KIF21B: variants seen among roughly 807,000 people sequenced by gnomAD.
The protein encoded by KIF21B is kinesin family member 21B.
Under a neutral mutation model 192.9 loss-of-function variants are expected in KIF21B, and 85 were observed. The ratio of observed to expected loss-of-function variants is 0.44; its 90% CI spans 0.37 to 0.53. KIF21B has a LOEUF of 0.53. Ranked by LOEUF, KIF21B falls within the 20% of genes least tolerant of loss-of-function variation. The probability of loss-of-function intolerance (pLI) is 0.00; values close to 1 mark genes in which losing one functional copy is unlikely to be tolerated. For synonymous variants in KIF21B, 832 were observed against 884.6 expected (o/e 0.94, Z 1.05); for missense variants, 1,716 against 2,194.8 (o/e 0.78, Z 4.36).
intron 22 of KIF21B, 85 bp from the exon 23 acceptor site, chr1:200,988,629 T>C: frequency 6.9e-7 from 1 of 1,457,090 alleles, no homozygotes; most frequent in Non-Finnish European, 9.3e-7. Context: ...CTCCTATATC[T>C]CACCCACTGG....
intron 15 of KIF21B, among the ~76,000 whole-genome samples, chr1:200,995,501 G>T (rs773367981): frequency 6.6e-6 from 1 of 152,244 alleles, no homozygotes. Context: ...GAGCCCTGAA[G>T]TCAGAAGCAC....
In KIF21B at chr1:200,998,464, T is replaced by C; in HGVS notation, c.1997A>G (p.Gln666Arg). 1 of 1,614,112 alleles carries C rather than the reference T, an allele frequency of 6.2e-7. No homozygotes were observed. The highest frequency in any genetic ancestry group is 8.5e-7 in the Non-Finnish European group (1 of 1,180,034). The change falls in exon 14 of 35, where the codon CAG becomes CGG. Residue 666 changes from glutamine (Q) to arginine (R), a missense_variant. By Grantham distance (43) the Gln-to-Arg change is conservative (BLOSUM62 1). Coordinates refer to ENST00000461742, the MANE Select transcript of KIF21B (RefSeq NM_001252102.2). The surrounding 1 kb of genome is among the most constrained non-coding windows in gnomAD (Gnocchi z 4.3). The part of the protein sequence containing the change: ...SQRRLQTLKH[Q>R]YEEKLILLQN... ...CAGCAGAATCAGCTTTTCCTCATAC[T>C]GGTGCTTGAGCGTCTGCAACCGCCG...
In KIF21B at chr1:201,000,272, G is replaced by A; in HGVS notation, c.1685+118C>T. 1.9e-6 allele frequency: 2 copies of A among 1,067,070 alleles called. No individual in the cohort carries two copies. The highest frequency in any genetic ancestry group is 2.7e-6 in the Non-Finnish European group (2 of 739,228). 66.1% of individuals were successfully genotyped at this position (1,067,070 alleles called of 1,614,324 possible). ...AAGCAATACTGAGGCAGCCCCTGGG[G>A]CTGGGGGCGTGGAGGTTCCCTCCTA... On this transcript the variant is annotated intron_variant, in intron 11 of 34. Coordinates refer to ENST00000461742, the MANE Select transcript of KIF21B (RefSeq NM_001252102.2). This position sits in a 1 kb window ranked among gnomAD's most constrained non-coding sequence, Gnocchi z 6.0.
intron 24 of KIF21B, 84 bp downstream of exon 24, chr1:200,988,212 G>A (rs1458981570): frequency 1.5e-6 from 2 of 1,300,996 alleles, no homozygotes; most frequent in Admixed American, 1.7e-5. Flanking sequence ...GGCTGAGGGT[G>A]GAGCAGAGCC....
At chr1:200,989,071 G>C in intron 21 of KIF21B, 140 bp from the exon 22 acceptor site, 3 of 839,328 alleles carry the variant, frequency 3.6e-6, no homozygotes, top group Non-Finnish European at 3.6e-6. Flanking sequence ...GCACAGACCT[G>C]AGAGCACCGC....
intron 1 of KIF21B, among the ~76,000 whole-genome samples, chr1:201,012,639 G>A (rs1257644501): frequency 2.0e-5 from 3 of 150,636 alleles, no homozygotes; most frequent in African/African-American, 7.5e-5. Flanking sequence ...CTCTATGTAT[G>A]TATGTATGTA....
Position 200,980,156 on chromosome 1 carries a change from C to T in KIF21B, c.3980-441G>A, listed in dbSNP as rs76311898. Among the ~76,000 whole-genome samples, 960 of 152,292 alleles carry T rather than the reference C, an allele frequency of 6.3e-3. 11 individuals are homozygous for T. The highest frequency in any genetic ancestry group is 0.012 in the African/African-American group (499 of 41,544). ...AGATTGACAGCTATCCCCCTACTGC[C>T]GTGGAGAGCTATATTTATGCTTGTG... On this transcript the variant is annotated intron_variant, in intron 29 of 34. Transcript: ENST00000461742.
intron 5 of KIF21B, 88 bp from the exon 6 acceptor site, chr1:201,005,021 G>C: frequency 7.0e-7 from 1 of 1,437,340 alleles, no homozygotes; most frequent in South Asian, 1.3e-5. Flanking sequence ...GGAGAGGCAC[G>C]GTGGACGGCC....
chr1:200,974,702 A>T lies in KIF21B; in HGVS notation c.4814+12T>A. ...GAGGGAGCAGAGGCAGACCTCTCTG[A>T]CCAGCACCCACCTGGAGGCTGTGAA... On this transcript the variant is annotated intron_variant, in intron 34 of 34. Transcript: ENST00000461742. 6.2e-7 allele frequency: 1 copy of T among 1,613,972 alleles called. No individual in the cohort carries two copies. Among genetic ancestry groups the T allele is most frequent in the South Asian group, 1.1e-5 (1 of 91,080 alleles).
intron 2 of KIF21B, 113 bp from the exon 3 acceptor site, chr1:201,009,064 C>A: frequency 7.5e-7 from 1 of 1,331,366 alleles, no homozygotes; most frequent in Non-Finnish European, 1.0e-6. Context: ...GGTTCCCCTG[C>A]TGCTTTCTTG....
chr1:201,012,539 C>A (rs1658297244), intron 1 of KIF21B, among the ~76,000 whole-genome samples: 1 of 152,218 alleles, frequency 6.6e-6, no homozygotes, highest in African/African-American at 2.4e-5. Flanking sequence ...TTAAGCCACA[C>A]ACACAGTAAA....
Position 201,000,684 on chromosome 1 carries a change from C to T in KIF21B, c.1466+33G>A. 4 of 1,613,930 alleles carry T rather than the reference C, an allele frequency of 2.5e-6. No homozygotes were observed. Among genetic ancestry groups the T allele is most frequent in the Non-Finnish European group, 3.4e-6 (4 of 1,179,890 alleles). On this transcript the variant is annotated intron_variant, in intron 10 of 34. Transcript: ENST00000461742. This position sits in a 1 kb window ranked among gnomAD's most constrained non-coding sequence, Gnocchi z 6.0. ...GGCGTCACCTGGCCGAGGCCCCCAG[C>T]CCGCGCACACCTGCCGGAGCTCACT... is the stretch of plus-strand genomic sequence containing the variant.
chr1:201,003,281 C>T, intron 8 of KIF21B: 1 of 447,326 alleles, frequency 2.2e-6, no homozygotes, highest in South Asian at 2.1e-5. Context: ...ATGAAAACAC[C>T]CTGGAGAGTG....
intron 30 of KIF21B, among the ~76,000 whole-genome samples, chr1:200,978,318 C>T (rs1273502575): frequency 3.4e-5 from 5 of 148,952 alleles, no homozygotes; most frequent in Non-Finnish European, 7.4e-5. Context: ...CAAAGTGCTG[C>T]GATTACAGGT....
At position 201,000,612 on chromosome 1, in the gene KIF21B, C is replaced by A. The variant is rs755882811; in HGVS notation, c.1467-4G>T. The A allele has an allele frequency of 1.2e-6, 2 of 1,613,444 alleles. No homozygotes were observed. Among genetic ancestry groups the A allele is most frequent in the South Asian group, 2.2e-5 (2 of 91,088 alleles). Reference sequence around the variant, plus strand: ...TTCACTCTCTAGAAGCTTAGTCCTGCACAGGAAGAACGAGTGGACGGGGCC... The same window carrying A: ...TTCACTCTCTAGAAGCTTAGTCCTGAACAGGAAGAACGAGTGGACGGGGCC... On this transcript the variant is annotated splice_polypyrimidine_tract_variant and splice_region_variant and intron_variant, in intron 10 of 34. Transcript: ENST00000461742. This position sits in a 1 kb window ranked among gnomAD's most constrained non-coding sequence, Gnocchi z 6.0.
At position 201,000,848 on chromosome 1, in the gene KIF21B, C is replaced by A; in HGVS notation, c.1403-68G>T. 1 of 1,554,984 alleles carries A rather than the reference C, an allele frequency of 6.4e-7. No homozygotes were observed. The highest frequency in any genetic ancestry group is 1.1e-5 in the South Asian group (1 of 89,808). On this transcript the variant is annotated intron_variant, in intron 9 of 34. Coordinates refer to ENST00000461742, the MANE Select transcript of KIF21B (RefSeq NM_001252102.2). This position sits in a 1 kb window ranked among gnomAD's most constrained non-coding sequence, Gnocchi z 6.0. ...AATAGGCCAGCGCGGTGGCTCAGAC[C>A]TATAATTCCAGCACTTTGGGAGGCC...
Position 201,000,033 on chromosome 1 carries a change from C to T in KIF21B, c.1686-69G>A, listed in dbSNP as rs1571947267. 19 of 1,383,522 alleles carry T rather than the reference C, an allele frequency of 1.4e-5. No homozygotes were observed. The highest frequency in any genetic ancestry group is 4.6e-5 in the South Asian group (4 of 86,534). The allele number at this position is 1,383,522 out of a possible 1,614,324, so 85.7% of individuals were successfully genotyped here. A position where few individuals can be genotyped will look rare whatever the true frequency, so the allele number is the denominator to read the frequency against. On this transcript the variant is annotated intron_variant, in intron 11 of 34. Coordinates refer to ENST00000461742, the MANE Select transcript of KIF21B (RefSeq NM_001252102.2). The surrounding 1 kb of genome is among the most constrained non-coding windows in gnomAD (Gnocchi z 6.0). ...TGCCCTGAGCACATGGGCAGGACGG[C>T]GGCAGCGGCAGAAAAGGAAGGCTCT...
Position 200,984,866 on chromosome 1 carries a change from G to A in KIF21B, c.3796C>T (p.Leu1266=). 6.3e-7 allele frequency: 1 copy of A among 1,592,170 alleles called. No individual in the cohort carries two copies. The highest frequency in any genetic ancestry group is 8.5e-7 in the Non-Finnish European group (1 of 1,171,198). Reference sequence around the variant, plus strand: ...CCCTCCAGCCCTGCTTACTTGTCCAGCGCTGACCCCTGGCTCTGATTACTG... The same window carrying A: ...CCCTCCAGCCCTGCTTACTTGTCCAACGCTGACCCCTGGCTCTGATTACTG... ...LTSNQSQGSA[L]DKSDDSDSSL... Residue 1266 remains leucine (L), a synonymous_variant, in exon 27 of 35, where the codon CTG becomes TTG. Coordinates refer to ENST00000461742, the MANE Select transcript of KIF21B (RefSeq NM_001252102.2).
In KIF21B at chr1:200,999,485, T is replaced by G. The variant is rs190979610; in HGVS notation, c.1768-19A>C. The G allele has an allele frequency of 4.9e-3, 7,821 of 1,611,630 alleles. 25 individuals carry two copies. Among genetic ancestry groups the G allele is most frequent in the Non-Finnish European group, 6.0e-3 (7,068 of 1,178,660 alleles). ...CCTCCTCCTGGGCACCAGGCACCAT[T>G]GGGGTGGGCCTGGCCTCAGAGAGGG... On this transcript the variant is annotated intron_variant, in intron 12 of 34. Coordinates refer to ENST00000461742, the MANE Select transcript of KIF21B (RefSeq NM_001252102.2). The surrounding 1 kb of genome is among the most constrained non-coding windows in gnomAD (Gnocchi z 4.7).
Sources: gnomAD v4.1 joint callset for allele counts (sites outside exome capture counted in the v4.1 genomes callset) on GRCh38, gnomAD v4.1.1 for gene constraint, Gnocchi (gnomAD v3.1) non-coding constraint, MANE v1.5 for transcripts, NCBI Gene and HGNC (gene_info 2026-07-23, HGNC 2026-07-21) for gene names.